Variants in ABCB11 observed in about 807,000 individuals in gnomAD.
ABCB11 encodes the protein bile salt export pump.
Under a neutral mutation model 148.0 loss-of-function variants are expected in ABCB11, and 95 were observed. The observed-to-expected ratio is 0.64, with a 90% CI of 0.54 to 0.76. The LOEUF is 0.76. ABCB11 is among the 30% of genes least tolerant of loss of function. The pLI is 0.00. For missense variants in ABCB11, 1,523 were observed against 1,617.8 expected, an observed-to-expected ratio of 0.94 and a Z score of 1.01; for synonymous variants, 591 against 555.4, an observed-to-expected ratio of 1.06 and a Z score of -0.90.
rs776186221 is a variant in ABCB11, at chr2:168,995,356, A to G, written c.604T>C (p.Phe202Leu). ...CNSVGELNTR[F>L]SDDINKINDA... is the part of the protein sequence containing the mutation. Reference sequence around the variant, plus strand: ...GTTTTACCAGCTACTTACTCAGAGAATCTTGTATTCAGCTCCCCCACTGAA... The same window carrying G: ...GTTTTACCAGCTACTTACTCAGAGAGTCTTGTATTCAGCTCCCCCACTGAA... The change falls in exon 7 of 28, where the codon TTC becomes CTC. Residue 202 changes from phenylalanine to leucine, a missense_variant. Physicochemically the swap from Phe to Leu is conservative, Grantham distance 22 (BLOSUM62 0). Coordinates refer to ENST00000650372, the MANE Select transcript of ABCB11 (RefSeq NM_003742.4). 8 of 1,611,770 alleles carry G rather than the reference A, an allele frequency of 5.0e-6. No homozygotes were observed. The African/African-American group carries it at 1.1e-4, about 22-fold the overall frequency.
intron 9 of ABCB11, among the ~76,000 whole-genome samples, chr2:168,990,162 G>C (rs1028259550): frequency 2.6e-5 from 4 of 152,104 alleles, no homozygotes; most frequent in Admixed American, 2.0e-4. Flanking sequence ...TTTTGTGGAA[G>C]AATTTGAGGA....
chr2:168,938,699 C>T (rs1417792943), intron 21 of ABCB11, among the ~76,000 whole-genome samples: 2 of 151,978 alleles, frequency 1.3e-5, no homozygotes, highest in African/African-American at 2.4e-5. Flanking sequence ...AATATTTTAC[C>T]ACAATTTTTT....
intron 19 of ABCB11, among the ~76,000 whole-genome samples, chr2:168,954,380 C>A (rs957851535): frequency 1.3e-5 from 2 of 151,412 alleles, no homozygotes; most frequent in Admixed American, 6.6e-5. Flanking sequence ...ATGTTTAAGA[C>A]CCCTTTGAGC....
intron 10 of ABCB11, 130 bp downstream of exon 10, chr2:168,985,976 CACAG>C (rs1262236065): frequency 5.1e-6 from 4 of 780,724 alleles, no homozygotes; most frequent in Non-Finnish European, 1.9e-6. Context: ...TACTTGTTTC[CACAG>C]ACAGACTCCA....
At chr2:168,966,451 T>C (rs930067856) in intron 17 of ABCB11, among the ~76,000 whole-genome samples, 2 of 151,886 alleles carry the variant, frequency 1.3e-5, no homozygotes, top group Non-Finnish European at 2.9e-5. Flanking sequence ...GGGCAGTGCA[T>C]GTGCTAGGCA....
chr2:168,975,148 TA>T (rs1193098038), intron 12 of ABCB11, among the ~76,000 whole-genome samples: 3 of 50,934 alleles, frequency 5.9e-5, no homozygotes, highest in African/African-American at 2.0e-4. Context: ...TATTTATAGA[TA>T]AATATATAAT....
chr2:168,978,014 A>G (rs1693986933), intron 11 of ABCB11, among the ~76,000 whole-genome samples: 1 of 152,154 alleles, frequency 6.6e-6, no homozygotes, highest in South Asian at 2.1e-4. Context: ...GGTTGCTAAT[A>G]AAGGTAAGAA....
At chr2:169,027,887 G>T (rs1695747278) in intron 1 of ABCB11, among the ~76,000 whole-genome samples, 1 of 151,820 alleles carries the variant, frequency 6.6e-6, no homozygotes, top group Admixed American at 6.6e-5. Context: ...ATTGGCTATT[G>T]GTATTGTAGA....
chr2:168,956,232 A>T (rs1029376906), intron 19 of ABCB11, among the ~76,000 whole-genome samples: 1 of 151,600 alleles, frequency 6.6e-6, no homozygotes, highest in Non-Finnish European at 1.5e-5. Flanking sequence ...GCAAGGGGGA[A>T]ATCCACCCAC....
At chr2:168,984,992 A>T (rs1694264620) in intron 10 of ABCB11, among the ~76,000 whole-genome samples, 1 of 152,142 alleles carries the variant, frequency 6.6e-6, no homozygotes, top group Non-Finnish European at 1.5e-5. Flanking sequence ...GAGTAAACAG[A>T]CAACCCACAG....
At chr2:169,012,738 T>TA (rs78964015) in intron 5 of ABCB11, among the ~76,000 whole-genome samples, 11,447 of 123,214 alleles carry the variant, frequency 0.093, 877 homozygotes, top group East Asian at 0.36. Context: ...GACTCCATCT[T>TA]AAAAAAAAAA....
Position 168,924,650 on chromosome 2 carries a change from C to T in ABCB11, c.3765+7G>A, listed in dbSNP as rs2105875785. The T allele has an allele frequency of 1.2e-6, 2 of 1,613,324 alleles. No homozygotes were observed. Among genetic ancestry groups the T allele is most frequent in the South Asian group, 1.1e-5 (1 of 91,030 alleles). On this transcript the variant is annotated splice_region_variant and intron_variant, in intron 27 of 27. Transcript: ENST00000650372. ...ATGATCTAAGACTTTAGAAATTCAA[C>T]ACTTACCTTTTCACTTTCTGTGTCT... is the stretch of plus-strand genomic sequence containing the variant.
intron 3 of ABCB11, among the ~76,000 whole-genome samples, chr2:169,015,956 AATGCACACTTCATT>A (rs1369379665): frequency 6.6e-6 from 1 of 152,188 alleles, no homozygotes. Flanking sequence ...CTCAACATGC[AATGCACACTTCATT>A]TCTCTGCGGA....
At position 169,015,065 on chromosome 2, in the gene ABCB11, C is replaced by T. The variant is rs190590735; in HGVS notation, c.99-711G>A. ...TCCTCCTTCCACACCTATTTGTCAA[C>T]CTCACTTGAGCCATGCAGTCCTTTA... On this transcript the variant is annotated intron_variant, in intron 3 of 27. Coordinates refer to ENST00000650372, the MANE Select transcript of ABCB11 (RefSeq NM_003742.4). Among the ~76,000 whole-genome samples the T allele has an allele frequency of 2.0e-5, 3 of 152,282 alleles. No homozygotes were observed. In the East Asian group the frequency reaches 5.8e-4, roughly 29 times the overall value.
intron 5 of ABCB11, among the ~76,000 whole-genome samples, chr2:169,001,056 C>T (rs6733156): frequency 0.12 from 17,549 of 152,122 alleles, 1,558 homozygotes; most frequent in African/African-American, 0.25. Flanking sequence ...TCTACTAGTG[C>T]TGTCATTTTA....
intron 1 of ABCB11, among the ~76,000 whole-genome samples, chr2:169,023,414 T>A (rs1695591950): frequency 6.6e-6 from 1 of 152,178 alleles, no homozygotes; most frequent in African/African-American, 2.4e-5. Context: ...CACAAGTTAG[T>A]AAGTGATACA....
rs190545797 is a variant in ABCB11, at chr2:168,971,222, T to C, written c.1638+625A>G. Among the ~76,000 whole-genome samples the C allele has an allele frequency of 4.1e-3, 626 of 152,106 alleles. 3 individuals carry two copies. The highest frequency in any genetic ancestry group is 5.6e-3 in the South Asian group (27 of 4,830). On this transcript the variant is annotated intron_variant, in intron 14 of 27. Transcript: ENST00000650372. Reference sequence around the variant, plus strand: ...TTGCTCAACAGGGTTGTTGTGAGGGTTTAATGAGTTAATAGGTGTGAAGTG... The same window carrying C: ...TTGCTCAACAGGGTTGTTGTGAGGGCTTAATGAGTTAATAGGTGTGAAGTG...
chr2:169,011,250 T>C (rs1170087445), intron 5 of ABCB11, among the ~76,000 whole-genome samples: 1 of 152,172 alleles, frequency 6.6e-6, no homozygotes, highest in Non-Finnish European at 1.5e-5. Context: ...TCCTCATAAG[T>C]GTTATCCGTG....
At chr2:168,935,598 G>A (rs2105897563) in intron 22 of ABCB11, among the ~76,000 whole-genome samples, 173 bp from the exon 23 acceptor site, 1 of 152,268 alleles carries the variant, frequency 6.6e-6, no homozygotes, top group Non-Finnish European at 1.5e-5. Context: ...TGGACCACGA[G>A]ACAATTTTTC....
Sources: gnomAD v4.1 joint callset for allele counts (sites outside exome capture counted in the v4.1 genomes callset) on GRCh38, gnomAD v4.1.1 for gene constraint, MANE v1.5 for transcripts, NCBI Gene and HGNC (gene_info 2026-07-23, HGNC 2026-07-21) for gene names.